Variants in ERBIN observed in about 807,000 individuals in gnomAD.
The protein encoded by ERBIN is erbb2 interacting protein.
Under a neutral mutation model 158.4 loss-of-function variants are expected in ERBIN, and 60 were observed. The ratio of observed to expected loss-of-function variants is 0.38; its 90% CI spans 0.31 to 0.47. ERBIN has a LOEUF of 0.47. ERBIN is among the 20% of genes least tolerant of loss of function. ERBIN has a pLI of 0.99. For missense variants in ERBIN, 1,610 were observed against 1,648.0 expected (o/e 0.98, Z 0.40); for synonymous variants, 594 against 557.2 (o/e 1.07, Z -0.93).
chr5:66,074,442 A>C (rs928177318), intron 22 of ERBIN, among the ~76,000 whole-genome samples: 1 of 152,230 alleles, frequency 6.6e-6, no homozygotes, highest in African/African-American at 2.4e-5. Context: ...CGTTGCTAAC[A>C]TACACACAAG....
At chr5:66,018,527 T>A (rs796653302) in intron 7 of ERBIN, among the ~76,000 whole-genome samples, 153 of 4,556 alleles carry the variant, frequency 0.034, 37 homozygotes, top group African/African-American at 0.1. Flanking sequence ...ATAATATATA[T>A]TATATTATAT....
intron 15 of ERBIN, among the ~76,000 whole-genome samples, chr5:66,041,179 A>C (rs929612057): frequency 6.6e-6 from 1 of 152,024 alleles, no homozygotes; most frequent in African/African-American, 2.4e-5. Flanking sequence ...GTGATTTTAC[A>C]AGGAGCAAAA....
chr5:66,081,789 C>T lies in ERBIN; in HGVS notation c.*3259C>T, dbSNP rs1015392734. 1.3e-5 allele frequency: 2 copies of T among 151,686 alleles called. No individual in the cohort carries two copies. Among genetic ancestry groups the T allele is most frequent in the African/African-American group, 4.8e-5 (2 of 41,274 alleles). 9.4% of individuals were successfully genotyped at this position (151,686 alleles called of 1,614,324 possible). On this transcript the variant is annotated 3_prime_UTR_variant, in exon 26 of 26. Coordinates refer to ENST00000284037, the MANE Select transcript of ERBIN (RefSeq NM_001253697.2). ...TTTCACTCAGTCTGTTGCATTCTTA[C>T]AGCCTTCTGTTTTAATGTTCAGTGA...
chr5:66,075,281 T>A (rs944834147), intron 23 of ERBIN, 51 bp downstream of exon 23: 2 of 1,389,888 alleles, frequency 1.4e-6, no homozygotes, highest in Admixed American at 1.7e-5. Context: ...TTTTATGTAT[T>A]TTTATAGGTT....
In ERBIN at chr5:65,991,695, C is replaced by G. The variant is rs188341411; in HGVS notation, c.-9-1015C>G. Among the ~76,000 whole-genome samples, 150 of 152,272 alleles carry G rather than the reference C, an allele frequency of 9.9e-4. 1 individual carries two copies. The highest frequency in any genetic ancestry group is 7.6e-4 in the Non-Finnish European group (52 of 68,026). On this transcript the variant is annotated intron_variant, in intron 2 of 25. Coordinates refer to ENST00000284037, the MANE Select transcript of ERBIN (RefSeq NM_001253697.2). ...ATAATCTTAGCCTAGTTAGAATTAA[C>G]CTATGTATATACATTGTGTACTTAA... is the stretch of plus-strand genomic sequence containing the variant.
intron 13 of ERBIN, 50 bp from the exon 14 acceptor site, chr5:66,028,224 A>G (rs1756485323): frequency 7.1e-7 from 1 of 1,413,536 alleles, no homozygotes; most frequent in African/African-American, 1.4e-5. Context: ...CATTCATTTT[A>G]AATCTTCTCA....
chr5:65,971,380 CAG>C (rs990087639), intron 1 of ERBIN, among the ~76,000 whole-genome samples: 3 of 151,792 alleles, frequency 2.0e-5, no homozygotes, highest in Admixed American at 1.3e-4. Context: ...AAGATAGAGA[CAG>C]AGTGATTTGC....
chr5:66,062,357 G>A (rs192759633), intron 21 of ERBIN, among the ~76,000 whole-genome samples: 4 of 152,180 alleles, frequency 2.6e-5, no homozygotes, highest in East Asian at 1.9e-4. Flanking sequence ...TTGTGCATTC[G>A]TCACATAGTT....
chr5:66,057,112 T>C (rs1016265895), intron 21 of ERBIN, among the ~76,000 whole-genome samples: 1 of 152,218 alleles, frequency 6.6e-6, no homozygotes, highest in African/African-American at 2.4e-5. Flanking sequence ...AAAGAATTAC[T>C]TTCAAAAAAA....
At chr5:66,052,990 C>G (rs192180555) in intron 20 of ERBIN, among the ~76,000 whole-genome samples, 37 of 152,226 alleles carry the variant, frequency 2.4e-4, no homozygotes, top group African/African-American at 8.7e-4. Context: ...GTAAAAATGT[C>G]CTTTGCTCTT....
intron 25 of ERBIN, 119 bp downstream of exon 25, chr5:66,077,068 G>A (rs1762045592): frequency 5.8e-6 from 4 of 686,746 alleles, no homozygotes; most frequent in Admixed American, 2.8e-5. Context: ...GGAGAATGGC[G>A]TGAACCCGGG....
At chr5:65,951,281 T>C (rs903480167) in intron 1 of ERBIN, among the ~76,000 whole-genome samples, 1 of 152,226 alleles carries the variant, frequency 6.6e-6, no homozygotes, top group African/African-American at 2.4e-5. Flanking sequence ...CTATTGTGTT[T>C]CTCTCTCTTG....
intron 21 of ERBIN, among the ~76,000 whole-genome samples, chr5:66,067,861 A>C (rs746957722): frequency 1.6e-4 from 24 of 152,196 alleles, no homozygotes; most frequent in Non-Finnish European, 3.2e-4. Context: ...CTGTGGTCCC[A>C]GCTACTCAGG....
chr5:65,944,271 T>A (rs1383360289), intron 1 of ERBIN, among the ~76,000 whole-genome samples: 1 of 151,354 alleles, frequency 6.6e-6, no homozygotes, highest in African/African-American at 2.4e-5. Flanking sequence ...CCACTGTATA[T>A]TTCCACCGAA....
intron 4 of ERBIN, among the ~76,000 whole-genome samples, chr5:66,000,459 G>A (rs1462880306): frequency 6.6e-6 from 1 of 152,094 alleles, no homozygotes; most frequent in East Asian, 1.9e-4. Flanking sequence ...TTAGCATTTT[G>A]TTGTTGCTTC....
chr5:65,945,413 C>G (rs576169662), intron 1 of ERBIN, among the ~76,000 whole-genome samples: 1 of 152,176 alleles, frequency 6.6e-6, no homozygotes, highest in South Asian at 2.1e-4. Context: ...TGCCTGTAAT[C>G]TGCTTTTAAG....
At chr5:66,028,727 A>G (rs1472489296) in intron 14 of ERBIN, among the ~76,000 whole-genome samples, 1 of 152,194 alleles carries the variant, frequency 6.6e-6, no homozygotes, top group Non-Finnish European at 1.5e-5. Flanking sequence ...CATGTTGTAC[A>G]GTAGAGCTCT....
chr5:65,932,892 G>A (rs1165576139), intron 1 of ERBIN, among the ~76,000 whole-genome samples: 1 of 152,090 alleles, frequency 6.6e-6, no homozygotes, highest in Non-Finnish European at 1.5e-5. Context: ...GGACTCCTGG[G>A]CTCAAGCTAT....
At chr5:65,990,755 TA>T (rs1198105470) in intron 2 of ERBIN, among the ~76,000 whole-genome samples, 10 of 149,872 alleles carry the variant, frequency 6.7e-5, no homozygotes, top group South Asian at 4.2e-4. Flanking sequence ...GTAAGTATAG[TA>T]AAAAAAAAAT....
Sources: allele counts gnomAD v4.1 joint callset (sites outside exome capture counted in the v4.1 genomes callset), GRCh38; gene constraint gnomAD v4.1.1; transcripts MANE v1.5; gene names NCBI Gene and HGNC (gene_info 2026-07-23, HGNC 2026-07-21).